Variants in SV2B observed in about 807,000 individuals in gnomAD.
SV2B encodes the protein solute carrier family 22 member B2.
A neutral mutation model predicts 73.9 loss-of-function variants in SV2B; 41 were observed. That is an observed-to-expected ratio of 0.56 (90% CI 0.43 to 0.72). The LOEUF (loss-of-function observed/expected upper bound fraction) is 0.72, where lower values mean the gene tolerates loss of function less well. Among genes scored for constraint, SV2B ranks in the 30% least tolerant of loss-of-function variants. SV2B has a pLI of 0.00. For missense variants in SV2B, 764 were observed against 857.8 expected (o/e 0.89, Z 1.37); for synonymous variants, 314 against 314.2 (o/e 1.00, Z 0.01).
intron 6 of SV2B, among the ~76,000 whole-genome samples, chr15:91,264,838 T>C (rs1389909536): frequency 3.3e-5 from 5 of 152,018 alleles, no homozygotes; most frequent in Non-Finnish European, 5.9e-5. Context: ...TTACAAAATG[T>C]TGGAGTTGGT....
intron 7 of SV2B, 187 bp downstream of exon 7, chr15:91,266,879 G>A: frequency 2.2e-6 from 1 of 464,702 alleles, no homozygotes; most frequent in Non-Finnish European, 3.8e-6. Flanking sequence ...GTGCCCTGGA[G>A]CTGAAAACTC....
chr15:91,254,234 C>CTTTTTTTT (rs201841298), intron 4 of SV2B, among the ~76,000 whole-genome samples: 1 of 127,294 alleles, frequency 7.9e-6, no homozygotes, highest in Non-Finnish European at 1.7e-5. Context: ...ATTTTCACTT[C>CTTTTTTTT]TTTTTTTTTT....
At chr15:91,163,945 G>T (rs1264247539) in intron 1 of SV2B, among the ~76,000 whole-genome samples, 1 of 152,144 alleles carries the variant, frequency 6.6e-6, no homozygotes, top group African/African-American at 2.4e-5. Flanking sequence ...TTTGTATGAG[G>T]TGTAAGGAAG....
At chr15:91,282,259 C>T (rs796173767) in intron 10 of SV2B, among the ~76,000 whole-genome samples, 5 of 152,276 alleles carry the variant, frequency 3.3e-5, no homozygotes, top group African/African-American at 1.2e-4. Flanking sequence ...TTGAAACTTG[C>T]AAAATGCAAG....
intron 1 of SV2B, among the ~76,000 whole-genome samples, chr15:91,169,230 C>G (rs921915604): frequency 6.6e-6 from 1 of 152,164 alleles, no homozygotes; most frequent in Non-Finnish European, 1.5e-5. Flanking sequence ...TACATTATAT[C>G]TCTGAAGTAG....
chr15:91,169,509 G>A (rs1188948695), intron 1 of SV2B, among the ~76,000 whole-genome samples: 1 of 149,760 alleles, frequency 6.7e-6, no homozygotes, highest in Non-Finnish European at 1.5e-5. Flanking sequence ...CTGCAGCTGA[G>A]CTAGGAGACC....
rs556323041 is a variant in SV2B at position 91,236,001 on chromosome 15, A to C, written c.451+9287A>C. On this transcript the variant is annotated intron_variant, in intron 2 of 12. Transcript: ENST00000394232. The surrounding 1 kb of genome is among the most constrained non-coding windows in gnomAD (Gnocchi z 4.1). ...ATTACCCCTGCTAACTGCCGTAACT[A>C]CTTTGCTCAGGATCTGCACACAGTA... Among the ~76,000 whole-genome samples the C allele has an allele frequency of 6.6e-6, 1 of 152,316 alleles. No homozygotes were observed. Among genetic ancestry groups the C allele is most frequent in the South Asian group, 2.1e-4 (1 of 4,820 alleles).
At position 91,267,557 on chromosome 15, in the gene SV2B, C is replaced by G; in HGVS notation, c.1122C>G (p.Val374=). ...TCCTTCTCTGGTATGGGTTGTAGGT[C>G]TGGGATAATGCCCTGTACTGTGTGA... ...LVRFKTIFKQ[V]WDNALYCVMG... The change falls in exon 8 of 13, where the codon GTC becomes GTG. Residue 374 remains valine, a splice_region_variant and synonymous_variant. Coordinates refer to ENST00000394232, the MANE Select transcript of SV2B (RefSeq NM_001323032.3). This position sits in a 1 kb window ranked among gnomAD's most constrained non-coding sequence, Gnocchi z 4.3. The G allele has an allele frequency of 1.1e-5, 18 of 1,613,006 alleles. No homozygotes were observed. Among genetic ancestry groups the G allele is most frequent in the Non-Finnish European group, 1.4e-5 (17 of 1,179,398 alleles).
At chr15:91,187,199 T>C (rs2044806232) in intron 1 of SV2B, among the ~76,000 whole-genome samples, 1 of 152,192 alleles carries the variant, frequency 6.6e-6, no homozygotes, top group Non-Finnish European at 1.5e-5. Flanking sequence ...TTGTTGGAGG[T>C]GAATAATTTA....
At position 91,292,341 on chromosome 15, in the gene SV2B, C is replaced by T. The variant is rs759543900; in HGVS notation, c.1869-28C>T. 13 of 1,604,746 alleles carry T rather than the reference C, an allele frequency of 8.1e-6. No individual in the cohort carries two copies. The South Asian group carries it at 1.5e-4, about 18-fold the overall frequency. On this transcript the variant is annotated intron_variant, in intron 12 of 12. Coordinates refer to ENST00000394232, the MANE Select transcript of SV2B (RefSeq NM_001323032.3). ...GTTCATCTAATGTGGTTCAGAATGTCAGAATTATTTCCATTCCTCTTTTAC... is the reference window on the plus strand; with the variant it reads ...GTTCATCTAATGTGGTTCAGAATGTTAGAATTATTTCCATTCCTCTTTTAC...
At chr15:91,120,811 CAAA>C (rs756474473) in intron 1 of SV2B, among the ~76,000 whole-genome samples, 7 of 97,254 alleles carry the variant, frequency 7.2e-5, no homozygotes, top group Admixed American at 1.1e-4. Flanking sequence ...GAACCTGTCT[CAAA>C]AAAAAAAAAA....
chr15:91,185,081 T>A (rs529352904), intron 1 of SV2B, among the ~76,000 whole-genome samples: 4 of 152,330 alleles, frequency 2.6e-5, no homozygotes, highest in Middle Eastern at 3.4e-3. Context: ...AAAGGACTTT[T>A]TCTTTTTTCA....
intron 1 of SV2B, among the ~76,000 whole-genome samples, chr15:91,173,603 T>C (rs1225168699): frequency 6.6e-6 from 1 of 152,158 alleles, no homozygotes; most frequent in East Asian, 1.9e-4. Flanking sequence ...CTTCAACCCA[T>C]GCAAACTTAC....
chr15:91,144,274 G>A (rs930940221), intron 1 of SV2B, among the ~76,000 whole-genome samples: 2 of 152,170 alleles, frequency 1.3e-5, no homozygotes, highest in Non-Finnish European at 2.9e-5. Context: ...GAGGAATGTA[G>A]CATTCTCAAA....
At chr15:91,273,860 G>A (rs1488160605) in intron 9 of SV2B, among the ~76,000 whole-genome samples, 3 of 152,002 alleles carry the variant, frequency 2.0e-5, no homozygotes, top group East Asian at 1.9e-4. Flanking sequence ...TTACATTCAC[G>A]CATTTTTTAC....
At chr15:91,221,693 G>GCACA (rs3082137) in intron 1 of SV2B, among the ~76,000 whole-genome samples, 10,258 of 139,984 alleles carry the variant, frequency 0.073, 454 homozygotes, top group Middle Eastern at 0.14. Flanking sequence ...AAGCATGTGC[G>GCACA]CACACACACA....
chr15:91,256,850 G>A (rs568802606), intron 4 of SV2B, among the ~76,000 whole-genome samples: 2 of 152,212 alleles, frequency 1.3e-5, no homozygotes, highest in Non-Finnish European at 2.9e-5. Context: ...CAGATAATTG[G>A]TTAGGAGTCT....
chr15:91,141,186 G>T lies in SV2B; in HGVS notation c.-392+40823G>T, dbSNP rs1239376055. Among the ~76,000 whole-genome samples the T allele has an allele frequency of 1.3e-5, 2 of 152,170 alleles. No individual in the cohort carries two copies. The highest frequency in any genetic ancestry group is 4.8e-5 in the African/African-American group (2 of 41,432). On this transcript the variant is annotated intron_variant, in intron 1 of 12. Coordinates refer to ENST00000394232, the MANE Select transcript of SV2B (RefSeq NM_001323032.3). This position sits in a 1 kb window ranked among gnomAD's most constrained non-coding sequence, Gnocchi z 4.6. Reference sequence around the variant, plus strand: ...CCACAGGATTTTCTTCGGTAGGTCTGCATTGAGGCCTGAGAAACTCCAATT... The same window carrying T: ...CCACAGGATTTTCTTCGGTAGGTCTTCATTGAGGCCTGAGAAACTCCAATT...
Position 91,229,266 on chromosome 15 carries a change from G to C in SV2B, c.451+2552G>C, listed in dbSNP as rs1357098128. On this transcript the variant is annotated intron_variant, in intron 2 of 12. Transcript: ENST00000394232. The surrounding 1 kb of genome is among the most constrained non-coding windows in gnomAD (Gnocchi z 4.3). The stretch of plus-strand genomic sequence containing the variant: ...GACTGGGTACGTCCTACATGTCATC[G>C]ATCTGCTAGTGACCTTGGGCAAGTT... Among the ~76,000 whole-genome samples the C allele has an allele frequency of 6.6e-6, 1 of 151,954 alleles. No homozygotes were observed. The highest frequency in any genetic ancestry group is 1.9e-4 in the East Asian group (1 of 5,180).
Sources: gnomAD v4.1 joint callset for allele counts (sites outside exome capture counted in the v4.1 genomes callset) on GRCh38, gnomAD v4.1.1 for gene constraint, Gnocchi (gnomAD v3.1) non-coding constraint, MANE v1.5 for transcripts, NCBI Gene and HGNC (gene_info 2026-07-23, HGNC 2026-07-21) for gene names.